Variants in CNOT3 observed in about 807,000 individuals in gnomAD.
The protein encoded by CNOT3 is CCR4-NOT transcription complex subunit 3.
Under a neutral mutation model 89.4 loss-of-function variants are expected in CNOT3, and 2 were observed. The ratio of observed to expected loss-of-function variants is 0.02; its 90% confidence interval spans 0.01 to 0.07. The LOEUF is 0.07. CNOT3 is among the 10% of genes least tolerant of loss of function. The pLI is 1.00. For synonymous variants in CNOT3, 486 were observed against 402.0 expected (o/e 1.21, Z -2.50); for missense variants, 664 against 1,010.2 (o/e 0.66, Z 4.65).
At chr19:54,146,493 G>T (rs1049938624) in intron 9 of CNOT3, 108 bp from the exon 10 acceptor site, 1 of 748,806 alleles carries the variant, frequency 1.3e-6, no homozygotes, top group Admixed American at 1.8e-5. Flanking sequence ...CTCTGGGGCC[G>T]CAATGGCAGT....
chr19:54,153,257 C>A, intron 16 of CNOT3: 4 of 762,830 alleles, frequency 5.2e-6, no homozygotes, highest in South Asian at 4.1e-5. Flanking sequence ...CTTCCAGTTG[C>A]CCACTGGCTC....
rs2074876098 is a variant in CNOT3 at position 54,148,962 on chromosome 19, A to G, written c.1406+219A>G. On this transcript the variant is annotated intron_variant, in intron 12 of 17. Coordinates refer to ENST00000221232, the MANE Select transcript of CNOT3 (RefSeq NM_014516.4). The surrounding 1 kb of genome is among the most constrained non-coding windows in gnomAD (Gnocchi z 6.3). ...GCTTTGCCCTTCAGAACATTCTAAA[A>G]TACGTTCTCATCTAAGTGGAAGTTT... 6.6e-6 allele frequency among the ~76,000 whole-genome samples: 1 copy of G among 152,174 alleles called. No homozygotes were observed. Among genetic ancestry groups the G allele is most frequent in the South Asian group, 2.1e-4 (1 of 4,834 alleles).
At chr19:54,149,334 C>T (rs1393586092) in intron 12 of CNOT3, among the ~76,000 whole-genome samples, 1 of 152,134 alleles carries the variant, frequency 6.6e-6, no homozygotes, top group Non-Finnish European at 1.5e-5. Context: ...GAATCCTCAC[C>T]CCCACCCCCA....
At chr19:54,153,324 C>A in intron 16 of CNOT3, 1 of 762,426 alleles carries the variant, frequency 1.3e-6, no homozygotes. Flanking sequence ...CGACCCCACT[C>A]TGCTCATTGG....
rs1380592669 is a variant in CNOT3 at position 54,148,226 on chromosome 19, T to C, written c.973T>C (p.Ser325Pro). The change falls in exon 11 of 18, where the codon TCC becomes CCC. Residue 325 changes from serine (S) to proline (P), a missense_variant. Transcript: ENST00000221232. This position sits in a 1 kb window ranked among gnomAD's most constrained non-coding sequence, Gnocchi z 6.3. ...QSPAVPPTYP[S>P]GPPPAASALS... is the part of the protein sequence containing the mutation. ...CCCAGCTGTGCCGCCCACCTACCCCTCCGGCCCCCCGCCTGCTGCCTCTGC... is the reference window on the plus strand; with the variant it reads ...CCCAGCTGTGCCGCCCACCTACCCCCCCGGCCCCCCGCCTGCTGCCTCTGC... The C allele has an allele frequency of 6.3e-7, 1 of 1,595,084 alleles. No individual in the cohort carries two copies. Among genetic ancestry groups the C allele is most frequent in the Non-Finnish European group, 8.5e-7 (1 of 1,169,998 alleles).
intron 13 of CNOT3, among the ~76,000 whole-genome samples, chr19:54,150,305 G>C (rs1035368937): frequency 3.9e-5 from 6 of 152,164 alleles, no homozygotes; most frequent in Admixed American, 2.6e-4. Context: ...GACCAGGCAG[G>C]GGGGCTAACA....
rs143843746 is a variant in CNOT3 at position 54,153,697 on chromosome 19, C to T, written c.2038-18C>T. 2.2e-3 allele frequency: 3,470 copies of T among 1,612,178 alleles called. 12 individuals are homozygous for T. Among genetic ancestry groups the T allele is most frequent in the Non-Finnish European group, 2.7e-3 (3,222 of 1,178,324 alleles). On this transcript the variant is annotated intron_variant, in intron 16 of 17. Transcript: ENST00000221232. ...TTTGGGGGCCCCCTGATCCCCCTCTCCACTGTTCCTCCCCCAGGGCACTAA... is the reference window on the plus strand; with the variant it reads ...TTTGGGGGCCCCCTGATCCCCCTCTTCACTGTTCCTCCCCCAGGGCACTAA...
Position 54,152,596 on chromosome 19 carries a change from T to C in CNOT3, c.1874T>C (p.Met625Thr). 1 of 1,613,738 alleles carries C rather than the reference T, an allele frequency of 6.2e-7. No homozygotes were observed. Among genetic ancestry groups the C allele is most frequent in the Non-Finnish European group, 8.5e-7 (1 of 1,179,858 alleles). Residue 625 changes from methionine (M) to threonine (T), a missense_variant, in exon 15 of 18, where the codon ATG (methionine) becomes ACG (threonine). By Grantham distance (81) the Met-to-Thr change is moderately conservative. Transcript: ENST00000221232. ...ATGGAAGAGGCCGCCTGGCACCACA[T>C]GCCTCACCCCTCTGACTCTGAGCGT... ...QAMEEAAWHH[M>T]PHPSDSERIR...
Position 54,149,650 on chromosome 19 carries a change from A to G in CNOT3, c.1497A>G (p.Pro499=), listed in dbSNP as rs1238058459. ...NNSGGPSLLV[P]LPVNPPSSPT... Reference sequence around the variant, plus strand: ...CAGGGGGACCCAGCCTCCTGGTGCCACTGCCTGTGAATCCTCCCAGCTCCC... The same window carrying G: ...CAGGGGGACCCAGCCTCCTGGTGCCGCTGCCTGTGAATCCTCCCAGCTCCC... Residue 499 remains proline (P), a synonymous_variant, in exon 13 of 18, where the codon CCA becomes CCG. Transcript: ENST00000221232. 2 of 1,613,948 alleles carry G rather than the reference A, an allele frequency of 1.2e-6. 1 individual carries two copies. Among genetic ancestry groups the G allele is most frequent in the Non-Finnish European group, 1.7e-6 (2 of 1,179,918 alleles).
chr19:54,143,394 T>C (rs200417812), intron 3 of CNOT3, 48 bp from the exon 4 acceptor site: 80 of 1,582,226 alleles, frequency 5.1e-5, no homozygotes, highest in Non-Finnish European at 6.7e-5. Flanking sequence ...GAGTGGGTAC[T>C]GGGACATCCC....
chr19:54,141,971 C>T (rs2074467427), intron 1 of CNOT3: 1 of 152,168 alleles, frequency 6.6e-6, no homozygotes, highest in Non-Finnish European at 1.5e-5. Flanking sequence ...CCCTTTTGAC[C>T]TCAGTCTTCT....
At chr19:54,140,407 C>T (rs1309337293) in intron 1 of CNOT3, among the ~76,000 whole-genome samples, 4 of 151,998 alleles carry the variant, frequency 2.6e-5, no homozygotes, top group Non-Finnish European at 5.9e-5. Flanking sequence ...AGTGGACCTG[C>T]GATCACCACC....
chr19:54,153,217 G>C (rs1568689097), intron 16 of CNOT3: 1 of 764,142 alleles, frequency 1.3e-6, no homozygotes, highest in African/African-American at 1.7e-5. Flanking sequence ...TGACAGCGAG[G>C]CTGGTCCACT....
At chr19:54,149,862 C>T (rs1346345464) in intron 13 of CNOT3, 104 bp downstream of exon 13, 11 of 1,182,880 alleles carry the variant, frequency 9.3e-6, no homozygotes, top group South Asian at 8.1e-5. Flanking sequence ...TTCTGGATCT[C>T]TCTCTGGCTT....
chr19:54,148,867 G>T lies in CNOT3; in HGVS notation c.1406+124G>T. 1.2e-6 allele frequency: 1 copy of T among 802,918 alleles called. No homozygotes were observed. Among genetic ancestry groups the T allele is most frequent in the East Asian group, 2.7e-5 (1 of 36,840 alleles). The allele number at this position is 802,918 out of a possible 1,614,324, so 49.7% of individuals were successfully genotyped here. On this transcript the variant is annotated intron_variant, in intron 12 of 17. Coordinates refer to ENST00000221232, the MANE Select transcript of CNOT3 (RefSeq NM_014516.4). The surrounding 1 kb of genome is among the most constrained non-coding windows in gnomAD (Gnocchi z 6.3). ...CCCTTGCTGCTGGGAATGGCCAAGC[G>T]CTATCCTCCATCTCCCTCGGGTGTT...
In CNOT3 at chr19:54,145,460, C is replaced by G. The variant is rs1372449022; in HGVS notation, c.484-138C>G. On this transcript the variant is annotated intron_variant, in intron 7 of 17. Transcript: ENST00000221232. The surrounding 1 kb of genome is among the most constrained non-coding windows in gnomAD (Gnocchi z 5.9). ...GCTCAGAGGGTGGGTGGACCCCATACTGCCCCACCCCGAAGGGGATGGCGT... is the reference window on the plus strand; with the variant it reads ...GCTCAGAGGGTGGGTGGACCCCATAGTGCCCCACCCCGAAGGGGATGGCGT... 6 of 643,686 alleles carry G rather than the reference C, an allele frequency of 9.3e-6. No individual in the cohort carries two copies. The East Asian group carries it at 1.4e-4, about 15-fold the overall frequency. 39.9% of individuals were successfully genotyped at this position (643,686 alleles called of 1,614,324 possible). A position where few individuals can be genotyped will look rare whatever the true frequency, so the allele number is the denominator to read the frequency against.
rs1228407839 is a variant in CNOT3, at chr19:54,142,923, T to C, written c.-50-6T>C. 1.3e-6 allele frequency: 2 copies of C among 1,583,964 alleles called. No homozygotes were observed. Among genetic ancestry groups the C allele is most frequent in the African/African-American group, 2.7e-5 (2 of 74,320 alleles). The stretch of plus-strand genomic sequence containing the variant: ...GTGTTAATTCCTCTCCAATCTCTCC[T>C]AGCAGCGTCCGTCTCCAAGAGAGTA... On this transcript the variant is annotated splice_polypyrimidine_tract_variant and splice_region_variant and intron_variant, in intron 1 of 17. Coordinates refer to ENST00000221232, the MANE Select transcript of CNOT3 (RefSeq NM_014516.4).
At chr19:54,152,783 C>A in intron 15 of CNOT3, 84 bp from the exon 16 acceptor site, 1 of 849,652 alleles carries the variant, frequency 1.2e-6, no homozygotes, top group Non-Finnish European at 2.0e-6. Context: ...CCACCTCCCC[C>A]CGCAGGGATG....
rs587745693 is a variant in CNOT3, at chr19:54,147,609, C to T, written c.895-539C>T. Among the ~76,000 whole-genome samples, 12 of 152,278 alleles carry T rather than the reference C, an allele frequency of 7.9e-5. No homozygotes were observed. The South Asian group carries it at 2.3e-3, about 29-fold the overall frequency. On this transcript the variant is annotated intron_variant, in intron 10 of 17. Transcript: ENST00000221232. ...TAGGCTCAGCAGCCCGAGTGCTGTC[C>T]GCAGATTGCCTGCGGTAGGGATACC... is the stretch of plus-strand genomic sequence containing the variant.
Sources: allele counts gnomAD v4.1 joint callset (sites outside exome capture counted in the v4.1 genomes callset), GRCh38; gene constraint gnomAD v4.1.1; non-coding constraint Gnocchi (gnomAD v3.1); transcripts MANE v1.5; gene names NCBI Gene and HGNC (gene_info 2026-07-23, HGNC 2026-07-21).